The following CYFIP2 variants were observed in gnomAD, a reference collection of about 807,000 sequenced individuals.
The protein encoded by CYFIP2 is cytoplasmic FMR1-interacting protein 2.
A neutral mutation model predicts 158.7 loss-of-function variants in CYFIP2; 29 were observed. The observed-to-expected ratio is 0.18, with a 90% CI of 0.14 to 0.25. The LOEUF (loss-of-function observed/expected upper bound fraction) is 0.25. Among genes scored for constraint, CYFIP2 ranks in the 10% least tolerant of loss-of-function variants. The pLI, the probability that CYFIP2 is intolerant of heterozygous loss-of-function variation, is 1.00. For missense variants in CYFIP2, 852 were observed against 1,639.5 expected, an observed-to-expected ratio of 0.52 and a Z score of 8.29; for synonymous variants, 585 against 617.6, an observed-to-expected ratio of 0.95 and a Z score of 0.78.
In CYFIP2 at chr5:157,307,764, A is replaced by T. The variant is rs1167049602; in HGVS notation, c.799A>T (p.Met267Leu). The part of the protein sequence containing the change: ...PSEKHMLLKV[M>L]GFGLYLMDGN... ...CTCTGCCCTCTTCTCATTCTAGGTGATGGGCTTTGGCCTCTACCTAATGGA... is the reference window on the plus strand; with the variant it reads ...CTCTGCCCTCTTCTCATTCTAGGTGTTGGGCTTTGGCCTCTACCTAATGGA... The change falls in exon 9 of 31, where the codon ATG (methionine) becomes TTG (leucine). Residue 267 changes from methionine (M) to leucine (L), a missense_variant. Coordinates refer to ENST00000620254, the MANE Select transcript of CYFIP2 (RefSeq NM_001037333.3). The T allele has an allele frequency of 9.4e-6, 15 of 1,600,414 alleles. No individual in the cohort carries two copies. Among genetic ancestry groups the T allele is most frequent in the Non-Finnish European group, 1.3e-5 (15 of 1,169,616 alleles).
At chr5:157,347,303 T>TG (rs1762765970) in intron 23 of CYFIP2, among the ~76,000 whole-genome samples, 2 of 108,818 alleles carry the variant, frequency 1.8e-5, no homozygotes, top group African/African-American at 5.2e-5. Context: ...CTTTTTCCCT[T>TG]GGAAAAAAAA....
At chr5:157,274,147 A>C (rs1580943672) in intron 1 of CYFIP2, among the ~76,000 whole-genome samples, 1 of 151,944 alleles carries the variant, frequency 6.6e-6, no homozygotes, top group Non-Finnish European at 1.5e-5. Flanking sequence ...AAAAAAAAAA[A>C]AACCGTTCAG....
chr5:157,391,659 C>T (rs1025812105), intron 30 of CYFIP2, among the ~76,000 whole-genome samples: 1 of 152,126 alleles, frequency 6.6e-6, no homozygotes, highest in African/African-American at 2.4e-5. Flanking sequence ...ATATAGACCA[C>T]GTTGTGTTTG....
intron 1 of CYFIP2, chr5:157,276,936 T>A (rs899015533): frequency 3.9e-5 from 6 of 152,050 alleles, no homozygotes; most frequent in Non-Finnish European, 8.8e-5. Context: ...AAAAAGAGAA[T>A]CCCTAGAAAA....
chr5:157,318,068 T>G (rs568079297), intron 13 of CYFIP2, among the ~76,000 whole-genome samples: 1 of 152,260 alleles, frequency 6.6e-6, no homozygotes, highest in African/African-American at 2.4e-5. Flanking sequence ...AAAATCGGGT[T>G]TCTGTCTTCC....
intron 28 of CYFIP2, chr5:157,384,575 G>T (rs765236211): frequency 2.7e-5 from 12 of 438,556 alleles, no homozygotes; most frequent in South Asian, 1.9e-4. Context: ...CTGCACAGAC[G>T]TCATGCTGAG....
chr5:157,301,633 A>C (rs1467952959), intron 6 of CYFIP2, among the ~76,000 whole-genome samples: 4 of 152,142 alleles, frequency 2.6e-5, no homozygotes, highest in Non-Finnish European at 5.9e-5. Flanking sequence ...GCCAGCTCTT[A>C]AGAAGAAGAA....
rs148519938 is a variant in CYFIP2 at position 157,394,160 on chromosome 5, C to G, written c.*1160C>G. On this transcript the variant is annotated 3_prime_UTR_variant, in exon 31 of 31. Transcript: ENST00000620254. ...CTTTACATTCCTTAAGTTAGACTTT[C>G]GGGTGTGGCTTCTCTCCCAGGGGTA... is the stretch of plus-strand genomic sequence containing the variant. 6.6e-6 allele frequency: 1 copy of G among 152,108 alleles called. No individual in the cohort carries two copies. The highest frequency in any genetic ancestry group is 2.4e-5 in the African/African-American group (1 of 41,410). 9.4% of individuals were successfully genotyped at this position (152,108 alleles called of 1,614,324 possible).
At chr5:157,312,118 A>G (rs1759774370) in intron 11 of CYFIP2, among the ~76,000 whole-genome samples, 3 of 152,200 alleles carry the variant, frequency 2.0e-5, no homozygotes. Flanking sequence ...CTGCCTGTAC[A>G]TGATAAGTGA....
In CYFIP2 at chr5:157,323,887, CT is replaced by C. The variant is rs760135082; in HGVS notation, c.1672-32del. The C allele has an allele frequency of 3.3e-6, 5 of 1,514,248 alleles. No homozygotes were observed. In the South Asian group the frequency reaches 6.2e-5, roughly 19 times the overall value. The allele number at this position is 1,514,248 out of a possible 1,614,324, so 93.8% of individuals were successfully genotyped here. A position where few individuals can be genotyped will look rare whatever the true frequency, so the allele number is the denominator to read the frequency against. ...CTTTTTCCCCGGGGTAGAGGGCCAGCTTCTGACCTTCTCATCTTGCTTTCTT... is the reference window on the plus strand; with the variant it reads ...CTTTTTCCCCGGGGTAGAGGGCCAGCTCTGACCTTCTCATCTTGCTTTCTT... On this transcript the variant is annotated intron_variant, in intron 15 of 30. Transcript: ENST00000620254.
Position 157,394,043 on chromosome 5 carries a change from A to G in CYFIP2, c.*1043A>G, listed in dbSNP as rs1767557979. ...AAGATACACCCCCTGCCCCCAAAGA[A>G]GAGTCCTCTTTTAGGGAATCAGAAC... On this transcript the variant is annotated 3_prime_UTR_variant, in exon 31 of 31. Transcript: ENST00000620254. 1 of 152,214 alleles carries G rather than the reference A, an allele frequency of 6.6e-6. No homozygotes were observed. The highest frequency in any genetic ancestry group is 2.4e-5 in the African/African-American group (1 of 41,460). 9.4% of individuals were successfully genotyped at this position (152,214 alleles called of 1,614,324 possible).
chr5:157,297,707 C>T (rs1758369417), intron 5 of CYFIP2, among the ~76,000 whole-genome samples: 1 of 152,026 alleles, frequency 6.6e-6, no homozygotes, highest in Admixed American at 6.5e-5. Flanking sequence ...TGTCCAGTGC[C>T]ATAGCCATTA....
At chr5:157,312,889 C>A (rs1759854365) in intron 11 of CYFIP2, among the ~76,000 whole-genome samples, 1 of 151,968 alleles carries the variant, frequency 6.6e-6, no homozygotes. Flanking sequence ...TATTTTATTT[C>A]TTTTTTAAAA....
chr5:157,269,790 AC>A (rs1755930262), intron 1 of CYFIP2, among the ~76,000 whole-genome samples: 1 of 152,350 alleles, frequency 6.6e-6, no homozygotes, highest in Admixed American at 6.5e-5. Context: ...TTTGTGATTC[AC>A]AGATTCTGTC....
rs1183939999 is a variant in CYFIP2 at position 157,322,974 on chromosome 5, C to T, written c.1672-947C>T. On this transcript the variant is annotated intron_variant, in intron 15 of 30. Coordinates refer to ENST00000620254, the MANE Select transcript of CYFIP2 (RefSeq NM_001037333.3). ...AGTGGTCCCCGAGGGCTTTGTTTCA[C>T]CCCACTGGTGGCACACAGGGCCGAA... 3 of 1,535,962 alleles carry T rather than the reference C, an allele frequency of 2.0e-6. No individual in the cohort carries two copies. The South Asian group carries it at 3.6e-5, about 18-fold the overall frequency.
intron 7 of CYFIP2, among the ~76,000 whole-genome samples, chr5:157,303,714 C>T (rs1758975600): frequency 6.6e-6 from 1 of 152,072 alleles, no homozygotes; most frequent in South Asian, 2.1e-4. Context: ...CCTGCAGGGG[C>T]CTGGTTGGTC....
intron 13 of CYFIP2, among the ~76,000 whole-genome samples, chr5:157,319,249 CAGG>C (rs532136504): frequency 6.6e-6 from 1 of 152,110 alleles, no homozygotes; most frequent in Non-Finnish European, 1.5e-5. Context: ...ATGACTTCTG[CAGG>C]AGAAGTTTTG....
chr5:157,384,444 C>T (rs1187196786), intron 28 of CYFIP2: 5 of 456,754 alleles, frequency 1.1e-5, no homozygotes, highest in South Asian at 3.1e-5. Context: ...CGCATTCCGG[C>T]GGTCCTCTTT....
At chr5:157,286,780 C>G (rs1284703394) in intron 2 of CYFIP2, among the ~76,000 whole-genome samples, 6 of 152,160 alleles carry the variant, frequency 3.9e-5, no homozygotes, top group Non-Finnish European at 7.3e-5. Context: ...TTCTGAAGCT[C>G]AGATGAGTGA....
Sources: allele counts gnomAD v4.1 joint callset (sites outside exome capture counted in the v4.1 genomes callset), GRCh38; gene constraint gnomAD v4.1.1; transcripts MANE v1.5; gene names NCBI Gene and HGNC (gene_info 2026-07-23, HGNC 2026-07-21).